The following RORA variants were observed in gnomAD, a reference collection of about 807,000 sequenced individuals.
RORA encodes nuclear receptor ROR-alpha.
A neutral mutation model predicts 69.5 loss-of-function variants in RORA; 7 were observed. The observed-to-expected ratio is 0.10, with a 90% CI of 0.06 to 0.19. The LOEUF (loss-of-function observed/expected upper bound fraction) is 0.19. Among genes scored for constraint, RORA ranks in the 10% least tolerant of loss-of-function variants. RORA has a pLI of 1.00. For missense variants in RORA, 457 were observed against 663.0 expected (o/e 0.69, Z 3.41); for synonymous variants, 261 against 240.8 (o/e 1.08, Z -0.78).
At position 60,490,348 on chromosome 15, in the gene RORA, G is replaced by A. The variant is rs1595849393; in HGVS notation, c.*7107C>T. ...GTTCTAAACAGCTATGTCTAAAATA[G>A]ATTATATAGTAAAACCGGTATTATA... On this transcript the variant is annotated 3_prime_UTR_variant, in exon 11 of 11. Transcript: ENST00000335670. The surrounding 1 kb of genome is among the most constrained non-coding windows in gnomAD (Gnocchi z 4.1). The A allele has an allele frequency of 6.6e-6, 1 of 151,974 alleles. No individual in the cohort carries two copies. The highest frequency in any genetic ancestry group is 2.4e-5 in the African/African-American group (1 of 41,386). The allele number at this position is 151,974 out of a possible 1,614,324, so 9.4% of individuals were successfully genotyped here.
Position 60,906,751 on chromosome 15 carries a change from G to A in RORA, c.167-228065C>T, listed in dbSNP as rs117977153. Among the ~76,000 whole-genome samples, 280 of 152,154 alleles carry A rather than the reference G, an allele frequency of 1.8e-3. 3 individuals carry two copies. The East Asian group carries it at 0.035, about 19-fold the overall frequency. ...AGCTTGGGATGGATACTACGGCCAC[G>A]GTGGTTAATAATAACTAAGATTTTT... On this transcript the variant is annotated intron_variant, in intron 1 of 10. Transcript: ENST00000335670.
At chr15:61,158,947 G>T (rs1260269445) in intron 1 of RORA, among the ~76,000 whole-genome samples, 1 of 152,214 alleles carries the variant, frequency 6.6e-6, no homozygotes, top group African/African-American at 2.4e-5. Flanking sequence ...ATCAAGGGAA[G>T]TACACATTCA....
At chr15:61,214,570 T>G (rs975928653) in intron 1 of RORA, among the ~76,000 whole-genome samples, 4 of 152,214 alleles carry the variant, frequency 2.6e-5, no homozygotes, top group African/African-American at 9.7e-5. Flanking sequence ...GATGGTGGTG[T>G]TGGCAATGCC....
chr15:60,652,214 A>G (rs944561332), intron 2 of RORA, among the ~76,000 whole-genome samples: 1 of 152,010 alleles, frequency 6.6e-6, no homozygotes, highest in South Asian at 2.1e-4. Flanking sequence ...CCTGCTATTT[A>G]GTAGCTATGT....
rs146814095 is a variant in RORA at position 61,105,113 on chromosome 15, G to C, written c.166+123940C>G. ...GCATGAAAGTGGACTAATACAGCTA[G>C]TTAACCCTTACTCATCTCTTGGGAT... On this transcript the variant is annotated intron_variant, in intron 1 of 10. Coordinates refer to ENST00000335670, the MANE Select transcript of RORA (RefSeq NM_134261.3). Among the ~76,000 whole-genome samples the C allele has an allele frequency of 1.4e-4, 22 of 151,730 alleles. 1 individual carries two copies. In the East Asian group the frequency reaches 4.3e-3, roughly 29 times the overall value.
At chr15:60,580,198 C>T (rs1015856022) in intron 2 of RORA, among the ~76,000 whole-genome samples, 3 of 152,248 alleles carry the variant, frequency 2.0e-5, no homozygotes, top group African/African-American at 7.2e-5. Flanking sequence ...TTGGAGTACA[C>T]ATGATTTGAG....
At position 60,500,497 on chromosome 15, in the gene RORA, T is replaced by C. The variant is rs192778756; in HGVS notation, c.1294+462A>G. Reference sequence around the variant, plus strand: ...TCTAAGTCTTCCAAATAGAAGGTAGTAACTTAGCAAAAGTGATTATCCCCA... The same window carrying C: ...TCTAAGTCTTCCAAATAGAAGGTAGCAACTTAGCAAAAGTGATTATCCCCA... On this transcript the variant is annotated intron_variant, in intron 9 of 10. Coordinates refer to ENST00000335670, the MANE Select transcript of RORA (RefSeq NM_134261.3). Among the ~76,000 whole-genome samples, 5 of 152,150 alleles carry C rather than the reference T, an allele frequency of 3.3e-5. No individual in the cohort carries two copies. In the East Asian group the frequency reaches 9.6e-4, roughly 29 times the overall value.
At chr15:60,852,694 G>C (rs1469973162) in intron 1 of RORA, among the ~76,000 whole-genome samples, 2 of 152,324 alleles carry the variant, frequency 1.3e-5, no homozygotes, top group South Asian at 4.1e-4. Context: ...GGCTCAAGCT[G>C]TCTGCAGCCT....
chr15:60,993,026 A>C (rs913971853), intron 1 of RORA, among the ~76,000 whole-genome samples: 1 of 152,180 alleles, frequency 6.6e-6, no homozygotes, highest in Non-Finnish European at 1.5e-5. Flanking sequence ...GCTTCTGATC[A>C]AGCTCTTCTG....
intron 1 of RORA, among the ~76,000 whole-genome samples, chr15:61,223,767 A>G (rs1408518837): frequency 2.0e-5 from 3 of 152,236 alleles, no homozygotes; most frequent in African/African-American, 7.2e-5. Context: ...AGGACAAAAA[A>G]TACTTTGGGT....
chr15:61,228,571 C>T (rs907023860), intron 1 of RORA, among the ~76,000 whole-genome samples: 8 of 150,226 alleles, frequency 5.3e-5, no homozygotes, highest in South Asian at 2.1e-4. Context: ...AACACACCCC[C>T]GACTCGGGCA....
At chr15:61,042,993 T>C (rs977441511) in intron 1 of RORA, among the ~76,000 whole-genome samples, 11 of 152,164 alleles carry the variant, frequency 7.2e-5, no homozygotes, top group African/African-American at 2.7e-4. Context: ...ACATTGTTTA[T>C]AACTGCAGTC....
intron 2 of RORA, among the ~76,000 whole-genome samples, chr15:60,595,753 C>T (rs1162000341): frequency 1.3e-5 from 2 of 150,916 alleles, no homozygotes; most frequent in South Asian, 2.1e-4. Flanking sequence ...ACTTCTTTAC[C>T]AGGAATGGGA....
chr15:60,786,846 G>A (rs1444727876), intron 1 of RORA, among the ~76,000 whole-genome samples: 2 of 152,204 alleles, frequency 1.3e-5, no homozygotes, highest in Non-Finnish European at 2.9e-5. Flanking sequence ...GCGAGTGCAG[G>A]TAAAGTCTTT....
At chr15:61,142,251 T>C (rs2079307159) in intron 1 of RORA, among the ~76,000 whole-genome samples, 2 of 152,212 alleles carry the variant, frequency 1.3e-5, no homozygotes, top group African/African-American at 4.8e-5. Flanking sequence ...TCTGAGCACT[T>C]GCTGGCATAT....
chr15:61,036,876 T>A (rs148925746), intron 1 of RORA, among the ~76,000 whole-genome samples: 1 of 150,376 alleles, frequency 6.6e-6, no homozygotes, highest in African/African-American at 2.5e-5. Flanking sequence ...CAGAACAGAA[T>A]AAAACATGTT....
chr15:61,117,236 C>T (rs1267736122), intron 1 of RORA, among the ~76,000 whole-genome samples: 1 of 143,278 alleles, frequency 7.0e-6, no homozygotes, highest in Non-Finnish European at 1.5e-5. Flanking sequence ...TAAAACAAAA[C>T]TCTCCAGGAT....
intron 1 of RORA, among the ~76,000 whole-genome samples, chr15:60,873,959 C>T (rs1186156740): frequency 6.6e-6 from 1 of 152,076 alleles, no homozygotes; most frequent in African/African-American, 2.4e-5. Flanking sequence ...CGCCAATTAG[C>T]TTATAGGGAA....
rs1172711184 is a variant in RORA at position 61,131,344 on chromosome 15, G to A, written c.166+97709C>T. ...TTTTAAAAGTTTTGAATTGTCTGTAGAAAATAAATCTAGACTCTTTCATCA... is the reference window on the plus strand; with the variant it reads ...TTTTAAAAGTTTTGAATTGTCTGTAAAAAATAAATCTAGACTCTTTCATCA... On this transcript the variant is annotated intron_variant, in intron 1 of 10. Transcript: ENST00000335670. The surrounding 1 kb of genome is among the most constrained non-coding windows in gnomAD (Gnocchi z 4.2). 2.0e-5 allele frequency among the ~76,000 whole-genome samples: 3 copies of A among 152,246 alleles called. No individual in the cohort carries two copies. Among genetic ancestry groups the A allele is most frequent in the African/African-American group, 7.2e-5 (3 of 41,474 alleles).
Sources: gnomAD v4.1 joint callset for allele counts (sites outside exome capture counted in the v4.1 genomes callset) on GRCh38, gnomAD v4.1.1 for gene constraint, Gnocchi (gnomAD v3.1) non-coding constraint, MANE v1.5 for transcripts, NCBI Gene and HGNC (gene_info 2026-07-23, HGNC 2026-07-21) for gene names.